PCLO: variants seen among roughly 807,000 people sequenced by gnomAD.
PCLO encodes piccolo presynaptic cytomatrix protein, also known as protein piccolo.
A neutral mutation model predicts 427.5 loss-of-function variants in PCLO; 82 were observed. That is an observed-to-expected ratio of 0.19 (90% CI 0.16 to 0.23). PCLO has a LOEUF of 0.23. Among genes scored for constraint, PCLO ranks in the 10% least tolerant of loss-of-function variants. PCLO has a pLI of 1.00. For missense variants in PCLO, 6,239 were observed against 6,115.9 expected (o/e 1.02, Z -0.67); for synonymous variants, 2,357 against 2,155.4 (o/e 1.09, Z -2.59).
In PCLO at chr7:83,134,359, G is replaced by A. The variant is rs755556578; in HGVS notation, c.3191C>T (p.Thr1064Ile). 6.2e-7 allele frequency: 1 copy of A among 1,613,428 alleles called. No individual in the cohort carries two copies. Among genetic ancestry groups the A allele is most frequent in the South Asian group, 1.1e-5 (1 of 90,982 alleles). ...KPESTCPLCK[T>I]ELNIGSKDPP... ...ATCCTTAGAACCTATGTTGAGTTCA[G>A]TTTTGCAGAGAGGACAGGTTGATTC... Residue 1064 changes from threonine to isoleucine, a missense_variant, in exon 3 of 25, where the codon ACT becomes ATT. Thr to Ile is a moderately conservative substitution (Grantham distance 89, BLOSUM62 -1). Around this residue, in one of 5 missense-constraint regions of PCLO, gnomAD observed 4,677 missense variants for 4,468.4 expected, o/e 1.05. Transcript: ENST00000333891.
At chr7:83,100,913 A>C (rs73178486) in intron 3 of PCLO, among the ~76,000 whole-genome samples, 8,261 of 152,212 alleles carry the variant, frequency 0.054, 354 homozygotes, top group African/African-American at 0.1. Context: ...ACAAACACAT[A>C]AATTTTACTC....
At chr7:82,820,227 G>A (rs901033240) in intron 20 of PCLO, among the ~76,000 whole-genome samples, 1 of 152,054 alleles carries the variant, frequency 6.6e-6, no homozygotes, top group East Asian at 1.9e-4. Flanking sequence ...TGTTGCCTAG[G>A]GCAGCCCAAT....
chr7:82,933,650 A>G (rs947530643), intron 6 of PCLO, among the ~76,000 whole-genome samples: 5 of 151,904 alleles, frequency 3.3e-5, no homozygotes, highest in African/African-American at 7.2e-5. Flanking sequence ...TATATTTTCA[A>G]TGCTGACATT....
rs755161656 is a variant in PCLO at position 82,953,889 on chromosome 7, T to A, written c.7064A>T (p.Gln2355Leu). ...AGATGTAAAGTATGTAGTTGAAAGCTGCTCTTTCATTGGAAGGGCTATTAC... is the reference window on the plus strand; with the variant it reads ...AGATGTAAAGTATGTAGTTGAAAGCAGCTCTTTCATTGGAAGGGCTATTAC... Reference protein sequence around the residue: ...SSVIALPMKEQLSTTYFTSGE... With the variant: ...SSVIALPMKELLSTTYFTSGE... The change falls in exon 5 of 25, where the codon CAG becomes CTG. Residue 2355 changes from glutamine to leucine, a missense_variant. Gln to Leu is a moderately radical substitution (Grantham distance 113). Coordinates refer to ENST00000333891, the MANE Select transcript of PCLO (RefSeq NM_033026.6). The A allele has an allele frequency of 1.2e-6, 2 of 1,613,890 alleles. No homozygotes were observed. Among genetic ancestry groups the A allele is most frequent in the South Asian group, 2.2e-5 (2 of 91,078 alleles).
chr7:82,819,564 A>G (rs1255923923), intron 20 of PCLO, among the ~76,000 whole-genome samples: 3 of 152,166 alleles, frequency 2.0e-5, no homozygotes, highest in Non-Finnish European at 4.4e-5. Flanking sequence ...TTAAAAATGA[A>G]AGTTTTAGTA....
At chr7:83,142,536 T>C (rs1344975193) in intron 2 of PCLO, among the ~76,000 whole-genome samples, 1 of 152,222 alleles carries the variant, frequency 6.6e-6, no homozygotes, top group Non-Finnish European at 1.5e-5. Flanking sequence ...CCATCATCAA[T>C]GAACATCTGC....
chr7:83,084,153 G>GA lies in PCLO; in HGVS notation c.3300+50096dup, dbSNP rs1428022747. Among the ~76,000 whole-genome samples the GA allele has an allele frequency of 2.0e-5, 3 of 152,028 alleles. No homozygotes were observed. The East Asian group carries it at 5.8e-4, about 29-fold the overall frequency. Reference sequence around the variant, plus strand: ...CTATCAATGAAAGAAATTCATACATGAAGATGTTCTTAGTTTTGTGAGCTG... The same window carrying GA: ...CTATCAATGAAAGAAATTCATACATGAAAGATGTTCTTAGTTTTGTGAGCTG... On this transcript the variant is annotated intron_variant, in intron 3 of 24. Transcript: ENST00000333891.
chr7:82,920,272 A>G (rs1380261016), intron 6 of PCLO, among the ~76,000 whole-genome samples: 1 of 151,810 alleles, frequency 6.6e-6, no homozygotes, highest in Non-Finnish European at 1.5e-5. Context: ...AAAGTTTATT[A>G]TGATTAAAGA....
In PCLO at chr7:83,154,947, T is replaced by C. The variant is rs1792230277; in HGVS notation, c.1694A>G (p.Lys565Arg). 1.2e-6 allele frequency: 2 copies of C among 1,613,910 alleles called. No homozygotes were observed. Among genetic ancestry groups the C allele is most frequent in the Admixed American group, 3.3e-5 (2 of 60,008 alleles). Reference sequence around the variant, plus strand: ...AGACACTGTTGGTGGCTGCAGAGGTTTTCCAGATCCTGTTTGGCTTACTGG... The same window carrying C: ...AGACACTGTTGGTGGCTGCAGAGGTCTTCCAGATCCTGTTTGGCTTACTGG... ...TKPVSQTGSG[K>R]PLQPPTVSPS... The change falls in exon 2 of 25, where the codon AAA becomes AGA. Residue 565 changes from lysine to arginine, a missense_variant. Physicochemically the swap from Lys to Arg is conservative, Grantham distance 26 (BLOSUM62 2). Around this residue, in one of 5 missense-constraint regions of PCLO, gnomAD observed 4,677 missense variants for 4,468.4 expected, o/e 1.05. Coordinates refer to ENST00000333891, the MANE Select transcript of PCLO (RefSeq NM_033026.6).
Position 82,951,014 on chromosome 7 carries a change from G to A in PCLO, c.9574C>T (p.Pro3192Ser), listed in dbSNP as rs761690122. Residue 3192 changes from proline to serine, a missense_variant, in exon 6 of 25, where the codon CCT becomes TCT. Pro to Ser is a moderately conservative substitution (Grantham distance 74). Transcript: ENST00000333891. ...GCACTTTCATCTCCCACCACTTCAG[G>A]AAACACTTCGGATGCTGTGGTTAAA... ...PTLTTASEVF[P>S]EVVGDESALL... 1.1e-5 allele frequency: 17 copies of A among 1,613,718 alleles called. No individual in the cohort carries two copies. In the Admixed American group the frequency reaches 1.2e-4, roughly 11 times the overall value.
chr7:83,134,983 T>A lies in PCLO; in HGVS notation c.2567A>T (p.Lys856Met). The change falls in exon 3 of 25, where the codon AAG becomes ATG. Residue 856 changes from lysine to methionine, a missense_variant. Coordinates refer to ENST00000333891, the MANE Select transcript of PCLO (RefSeq NM_033026.6). ...AGGACTCATTTTGGTTTGTGCTTTC[T>A]TGGGTTCTTCCTTCTTTTGTACGGG... ...VDPVQKKEEPKKAQTKMSPKP... is the reference protein window; with the variant it reads ...VDPVQKKEEPMKAQTKMSPKP... 6.2e-7 allele frequency: 1 copy of A among 1,613,324 alleles called. No homozygotes were observed. The highest frequency in any genetic ancestry group is 8.5e-7 in the Non-Finnish European group (1 of 1,179,728).
chr7:82,968,899 A>C (rs1033778343), intron 3 of PCLO, among the ~76,000 whole-genome samples: 1 of 152,160 alleles, frequency 6.6e-6, no homozygotes, highest in African/African-American at 2.4e-5. Context: ...GATTCTAAAA[A>C]CGAAATACAG....
chr7:82,777,560 A>G (rs1790780932), intron 22 of PCLO, among the ~76,000 whole-genome samples: 1 of 152,154 alleles, frequency 6.6e-6, no homozygotes, highest in Non-Finnish European at 1.5e-5. Flanking sequence ...ACATGGACCA[A>G]TGGAACCGAA....
chr7:83,091,163 T>C (rs1790368361), intron 3 of PCLO, among the ~76,000 whole-genome samples: 1 of 152,096 alleles, frequency 6.6e-6, no homozygotes, highest in Non-Finnish European at 1.5e-5. Flanking sequence ...ATACATGTAG[T>C]CCTTACCATT....
At chr7:82,866,724 T>C (rs1793103891) in intron 10 of PCLO, among the ~76,000 whole-genome samples, 2 of 151,474 alleles carry the variant, frequency 1.3e-5, no homozygotes, top group Admixed American at 6.6e-5. Context: ...TCTTGAGGAC[T>C]GAAGTAAAAA....
At chr7:83,118,852 C>G (rs942360322) in intron 3 of PCLO, among the ~76,000 whole-genome samples, 2 of 152,078 alleles carry the variant, frequency 1.3e-5, no homozygotes, top group African/African-American at 4.8e-5. Flanking sequence ...AGCTGGGGTG[C>G]ATTCTAGCCA....
At chr7:83,010,979 C>G (rs1179775123) in intron 3 of PCLO, among the ~76,000 whole-genome samples, 9 of 152,044 alleles carry the variant, frequency 5.9e-5, no homozygotes, top group Non-Finnish European at 1.0e-4. Flanking sequence ...GCTCTTACCT[C>G]TGGCATAATT....
At chr7:82,975,731 G>A (rs563576335) in intron 3 of PCLO, among the ~76,000 whole-genome samples, 8 of 152,092 alleles carry the variant, frequency 5.3e-5, no homozygotes, top group Non-Finnish European at 1.2e-4. Flanking sequence ...TAATCCCCAC[G>A]TGTGGAGGGA....
intron 15 of PCLO, among the ~76,000 whole-genome samples, chr7:82,837,322 T>C (rs528519750): frequency 2.7e-4 from 41 of 151,990 alleles, no homozygotes; most frequent in Non-Finnish European, 5.0e-4. Flanking sequence ...TGTACCACAA[T>C]GGAAAATTTC....
Sources: allele counts gnomAD v4.1 joint callset (sites outside exome capture counted in the v4.1 genomes callset), GRCh38; gene constraint gnomAD v4.1.1; regional missense constraint gnomAD v4.1.1; transcripts MANE v1.5; gene names NCBI Gene and HGNC (gene_info 2026-07-23, HGNC 2026-07-21).